The following MED12L variants were observed in gnomAD, a reference collection of about 807,000 sequenced individuals.
MED12L encodes mediator of RNA polymerase II transcription subunit 12-like protein.
Under a neutral mutation model 281.3 loss-of-function variants are expected in MED12L, and 60 were observed. The ratio of observed to expected loss-of-function variants is 0.21; its 90% CI spans 0.17 to 0.26. The LOEUF (loss-of-function observed/expected upper bound fraction) is 0.26, where lower values mean the gene tolerates loss of function less well. MED12L is among the 10% of genes least tolerant of loss of function. The pLI is 1.00. For missense variants in MED12L, 2,146 were observed against 2,680.9 expected (o/e 0.80, Z 4.41); for synonymous variants, 974 against 987.2 (o/e 0.99, Z 0.25).
At chr3:151,409,144 G>A in intron 39 of MED12L, 99 bp from the exon 40 acceptor site, 2 of 811,640 alleles carry the variant, frequency 2.5e-6, no homozygotes, top group Non-Finnish European at 4.0e-6. Flanking sequence ...CTTTATCCAT[G>A]TAATGAGATT....
At chr3:151,301,529 A>G (rs982276871) in intron 16 of MED12L, among the ~76,000 whole-genome samples, 2 of 152,218 alleles carry the variant, frequency 1.3e-5, no homozygotes, top group African/African-American at 4.8e-5. Flanking sequence ...ATTTCTCATA[A>G]AGGATTTCTA....
intron 16 of MED12L, among the ~76,000 whole-genome samples, chr3:151,334,115 C>A (rs141814845): frequency 1.0e-3 from 156 of 149,742 alleles, no homozygotes; most frequent in African/African-American, 3.4e-3. Flanking sequence ...AATTTGAAAT[C>A]TGTAAGTGAA....
At chr3:151,091,773 A>G (rs1383951923) in intron 2 of MED12L, among the ~76,000 whole-genome samples, 1 of 151,884 alleles carries the variant, frequency 6.6e-6, no homozygotes, top group African/African-American at 2.4e-5. Flanking sequence ...GCCCTTGTTC[A>G]CCTCTGCAGT....
chr3:151,376,734 TA>T, intron 28 of MED12L, 65 bp from the exon 29 acceptor site: 1 of 1,315,468 alleles, frequency 7.6e-7, no homozygotes, highest in Non-Finnish European at 1.1e-6. Context: ...AGGAGTACTG[TA>T]AGAAATTACT....
chr3:151,293,618 CGG>C (rs1744583832), intron 16 of MED12L, among the ~76,000 whole-genome samples: 2 of 74,032 alleles, frequency 2.7e-5, no homozygotes, highest in Non-Finnish European at 6.5e-5. Context: ...CACACACACA[CGG>C]TCCTAAAATG....
At chr3:151,235,717 A>C (rs1406789539) in intron 16 of MED12L, among the ~76,000 whole-genome samples, 1 of 151,790 alleles carries the variant, frequency 6.6e-6, no homozygotes, top group Non-Finnish European at 1.5e-5. Context: ...ATAAATAAAT[A>C]AATAAGTAAA....
intron 26 of MED12L, among the ~76,000 whole-genome samples, chr3:151,371,219 C>A (rs1756145565): frequency 6.6e-6 from 1 of 152,188 alleles, no homozygotes; most frequent in Non-Finnish European, 1.5e-5. Flanking sequence ...AACCAACTCT[C>A]AATTCCTATC....
chr3:151,267,153 A>G (rs11717634), intron 16 of MED12L, among the ~76,000 whole-genome samples: 30,340 of 151,924 alleles, frequency 0.2, 3,362 homozygotes, highest in South Asian at 0.33. Context: ...TACAGGAACT[A>G]TCAACTAAAC....
chr3:151,400,536 G>A (rs2108292108), intron 39 of MED12L, among the ~76,000 whole-genome samples: 1 of 152,240 alleles, frequency 6.6e-6, no homozygotes, highest in Non-Finnish European at 1.5e-5. Flanking sequence ...AAGAGGTTAG[G>A]TTATCCACCG....
Position 151,417,637 on chromosome 3 carries a change from C to T in MED12L, c.6408+1215C>T, listed in dbSNP as rs147113692. 5.8e-3 allele frequency among the ~76,000 whole-genome samples: 880 copies of T among 152,068 alleles called. 8 individuals carry two copies. Among genetic ancestry groups the T allele is most frequent in the African/African-American group, 0.02 (836 of 41,482 alleles). On this transcript the variant is annotated intron_variant, in intron 43 of 44. Coordinates refer to ENST00000687756, the MANE Select transcript of MED12L (RefSeq NM_001393769.1). ...AGTAGCTGGGATTACAGGCACCTGCCACCACACCCAGCTAAATTTTGTATT... is the reference window on the plus strand; with the variant it reads ...AGTAGCTGGGATTACAGGCACCTGCTACCACACCCAGCTAAATTTTGTATT...
At chr3:151,328,632 A>C (rs974375450) in intron 16 of MED12L, 2 of 1,613,730 alleles carry the variant, frequency 1.2e-6, no homozygotes, top group African/African-American at 1.3e-5. Flanking sequence ...ATCTTGAGGA[A>C]TCTGTCAAAG....
chr3:151,415,177 A>G lies in MED12L; in HGVS notation c.6298-1135A>G, dbSNP rs537991138. On this transcript the variant is annotated intron_variant, in intron 42 of 44. Transcript: ENST00000687756. Reference sequence around the variant, plus strand: ...ACGGAAAGCCTTTTCTTATTAGACCATATGTACTTTTTATCCTAATTAGCA... The same window carrying G: ...ACGGAAAGCCTTTTCTTATTAGACCGTATGTACTTTTTATCCTAATTAGCA... 5.3e-4 allele frequency among the ~76,000 whole-genome samples: 80 copies of G among 152,332 alleles called. 1 individual carries two copies. The highest frequency in any genetic ancestry group is 7.3e-5 in the Non-Finnish European group (5 of 68,030).
intron 5 of MED12L, among the ~76,000 whole-genome samples, chr3:151,155,762 C>T (rs1392732025): frequency 1.3e-5 from 2 of 152,144 alleles, no homozygotes; most frequent in African/African-American, 4.8e-5. Context: ...ATTTGAGATT[C>T]CTTGAGATCT....
chr3:151,416,278 T>C, intron 42 of MED12L, 34 bp from the exon 43 acceptor site: 2 of 1,612,480 alleles, frequency 1.2e-6, no homozygotes, highest in South Asian at 1.1e-5. Context: ...TTCTTCTTCC[T>C]TTTAAGTGTA....
intron 36 of MED12L, 114 bp downstream of exon 36, chr3:151,385,305 A>G: frequency 1.6e-6 from 1 of 613,900 alleles, no homozygotes; most frequent in Non-Finnish European, 2.7e-6. Flanking sequence ...GATGTTTTTA[A>G]GGCATATGCT....
At chr3:151,220,953 T>G (rs916833565) in intron 16 of MED12L, among the ~76,000 whole-genome samples, 2 of 152,196 alleles carry the variant, frequency 1.3e-5, no homozygotes, top group African/African-American at 4.8e-5. Context: ...GTAGGTAAGT[T>G]TGGAACTTCC....
chr3:151,108,039 AT>A (rs1351429804), intron 2 of MED12L, among the ~76,000 whole-genome samples: 2 of 152,220 alleles, frequency 1.3e-5, no homozygotes, highest in African/African-American at 4.8e-5. Flanking sequence ...GTAGACAGTT[AT>A]GCTAGATGCT....
chr3:151,390,201 A>T, intron 38 of MED12L, 66 bp downstream of exon 38: 1 of 1,514,248 alleles, frequency 6.6e-7, no homozygotes, highest in Non-Finnish European at 9.1e-7. Context: ...TTTGCTTTTA[A>T]CCTGAAACCT....
At chr3:151,341,215 T>C (rs945529833) in intron 16 of MED12L, among the ~76,000 whole-genome samples, 17 of 152,156 alleles carry the variant, frequency 1.1e-4, no homozygotes, top group Admixed American at 4.6e-4. Context: ...CCTTTGTTTT[T>C]CCCTTGGTTA....
Sources: gnomAD v4.1 joint callset for allele counts (sites outside exome capture counted in the v4.1 genomes callset) on GRCh38, gnomAD v4.1.1 for gene constraint, MANE v1.5 for transcripts, NCBI Gene and HGNC (gene_info 2026-07-23, HGNC 2026-07-21) for gene names.